The following ESYT2 variants were observed in gnomAD, a reference collection of about 807,000 sequenced individuals.
The protein encoded by ESYT2 is extended synaptotagmin 2.
In ESYT2, 54 loss-of-function variants were observed where a neutral mutation model predicts 107.2. The observed-to-expected ratio is 0.50, with a 90% CI of 0.40 to 0.63. ESYT2 has a LOEUF of 0.63. ESYT2 is among the 30% of genes least tolerant of loss of function. The probability of loss-of-function intolerance (pLI) is 0.00; values close to 1 mark genes in which losing one functional copy is unlikely to be tolerated. For missense variants in ESYT2, 1,020 were observed against 1,094.5 expected, an observed-to-expected ratio of 0.93 and a Z score of 0.96; for synonymous variants, 491 against 434.1, an observed-to-expected ratio of 1.13 and a Z score of -1.63.
chr7:158,792,266 G>A (rs1457630417), intron 4 of ESYT2, among the ~76,000 whole-genome samples: 1 of 149,670 alleles, frequency 6.7e-6, no homozygotes, highest in Non-Finnish European at 1.5e-5. Context: ...GCTCACGCCT[G>A]TGATCCCAGA....
rs571006833 is a variant in ESYT2, at chr7:158,735,477, T to C, written c.2505+26A>G. 21 of 1,584,608 alleles carry C rather than the reference T, an allele frequency of 1.3e-5. No homozygotes were observed. The South Asian group carries it at 2.1e-4, about 16-fold the overall frequency. ...GTTCAATTTTACAAACTGCAGGAAC[T>C]GGTTGAGGATTCGTTTGGCACTTAC... On this transcript the variant is annotated intron_variant, in intron 21 of 22. Transcript: ENST00000275418.
chr7:158,800,687 G>A (rs1342500770), intron 1 of ESYT2, among the ~76,000 whole-genome samples: 1 of 151,218 alleles, frequency 6.6e-6, no homozygotes, highest in Non-Finnish European at 1.5e-5. Context: ...ACTGTGCCCA[G>A]TCCACTTTTT....
At chr7:158,735,207 A>C (rs1350597922) in intron 21 of ESYT2, among the ~76,000 whole-genome samples, 1 of 152,248 alleles carries the variant, frequency 6.6e-6, no homozygotes, top group Non-Finnish European at 1.5e-5. Context: ...AAATTCACAT[A>C]AATAAAGCCA....
intron 16 of ESYT2, among the ~76,000 whole-genome samples, chr7:158,745,687 A>C (rs1038876352): frequency 1.2e-4 from 17 of 141,202 alleles, no homozygotes; most frequent in African/African-American, 4.7e-4. Flanking sequence ...CAATAATAGA[A>C]AGATTAAAAA....
chr7:158,753,647 A>G (rs1425020644), intron 13 of ESYT2, among the ~76,000 whole-genome samples: 1 of 150,168 alleles, frequency 6.7e-6, no homozygotes, highest in Admixed American at 6.6e-5. Flanking sequence ...ATAATGAAGA[A>G]AGATGAGTAA....
At chr7:158,771,940 G>A (rs1484381759) in intron 7 of ESYT2, among the ~76,000 whole-genome samples, 8 of 151,936 alleles carry the variant, frequency 5.3e-5, no homozygotes, top group Admixed American at 1.3e-4. Context: ...CCAACATGGC[G>A]AAACCCCATC....
In ESYT2 at chr7:158,797,974, A is replaced by C. The variant is rs149039219; in HGVS notation, c.475T>G (p.Phe159Val). 206 of 1,614,114 alleles carry C rather than the reference A, an allele frequency of 1.3e-4. No individual in the cohort carries two copies. The highest frequency in any genetic ancestry group is 1.7e-4 in the Non-Finnish European group (200 of 1,179,946). Residue 159 changes from phenylalanine to valine, a missense_variant, in exon 3 of 23, where the codon TTT becomes GTT. Coordinates refer to ENST00000275418, the MANE Select transcript of ESYT2 (RefSeq NM_001367773.1). ...VRGANTHLST[F>V]SFTKVDVGQQ... ...CCCACGTCGACCTTCGTGAAACTAA[A>C]GGTGCTAAGGTGGGTGTTTGCTCCC...
At position 158,799,053 on chromosome 7, in the gene ESYT2, T is replaced by C. The variant is rs1190732280; in HGVS notation, c.350A>G (p.Glu117Gly). 1.9e-6 allele frequency: 3 copies of C among 1,613,762 alleles called. No individual in the cohort carries two copies. Among genetic ancestry groups the C allele is most frequent in the Non-Finnish European group, 2.5e-6 (3 of 1,179,690 alleles). The stretch of plus-strand genomic sequence containing the variant: ...TACCTTATTTAGCCATTCTGCTCTT[T>C]CAGTGTCTGGAAAATGAACCTAGGA... Reference protein sequence around the residue: ...LPAWVHFPDTERAEWLNKTVK... With the variant: ...LPAWVHFPDTGRAEWLNKTVK... Residue 117 changes from glutamate (E) to glycine (G), a missense_variant, in exon 2 of 23, where the codon GAA becomes GGA. Coordinates refer to ENST00000275418, the MANE Select transcript of ESYT2 (RefSeq NM_001367773.1).
At chr7:158,777,895 T>C (rs1043204231) in intron 6 of ESYT2, among the ~76,000 whole-genome samples, 4 of 152,124 alleles carry the variant, frequency 2.6e-5, no homozygotes, top group South Asian at 4.1e-4. Context: ...TGCCGAAACA[T>C]GACACAGAGC....
At chr7:158,805,851 T>A (rs1217212169) in intron 1 of ESYT2, among the ~76,000 whole-genome samples, 1 of 152,254 alleles carries the variant, frequency 6.6e-6, no homozygotes, top group Non-Finnish European at 1.5e-5. Flanking sequence ...TCATGGTCAC[T>A]CCTTGACTTT....
chr7:158,813,942 G>A lies in ESYT2; in HGVS notation c.331-14870C>T, dbSNP rs528347880. ...AATGTTTAAAAAATATACGTTCCTC[G>A]TCCCAATGACTCTCACAGATCAAAA... On this transcript the variant is annotated intron_variant, in intron 1 of 22. Coordinates refer to ENST00000275418, the MANE Select transcript of ESYT2 (RefSeq NM_001367773.1). 5.3e-4 allele frequency among the ~76,000 whole-genome samples: 80 copies of A among 151,970 alleles called. 1 individual carries two copies. The highest frequency in any genetic ancestry group is 8.8e-5 in the Non-Finnish European group (6 of 67,998).
At chr7:158,828,797 G>T (rs1442485267) in intron 1 of ESYT2, among the ~76,000 whole-genome samples, 4 of 147,094 alleles carry the variant, frequency 2.7e-5, no homozygotes, top group Admixed American at 2.7e-4. Flanking sequence ...CGGGCAGGTC[G>T]CCAGCAGGCT....
intron 4 of ESYT2, among the ~76,000 whole-genome samples, chr7:158,792,656 G>A (rs1171266720): frequency 6.6e-6 from 1 of 151,006 alleles, no homozygotes; most frequent in Non-Finnish European, 1.5e-5. Flanking sequence ...GCTCCAACTA[G>A]AACTCACAAT....
In ESYT2 at chr7:158,773,376, T is replaced by C; in HGVS notation, c.768A>G (p.Thr256=). The change falls in exon 7 of 23, where the codon ACA becomes ACG. Residue 256 remains threonine (T), a synonymous_variant. Transcript: ENST00000275418. Reference sequence around the variant, plus strand: ...GGACATCCAGAAGATTCGTCAGTCCTGTCCAGTTAATTTCTAAAAGCTGTT... The same window carrying C: ...GGACATCCAGAAGATTCGTCAGTCCCGTCCAGTTAATTTCTAAAAGCTGTT... ...LRKPLLEINW[T]GLTNLLDVPG... is the part of the protein sequence containing the mutation. 1 of 1,614,198 alleles carries C rather than the reference T, an allele frequency of 6.2e-7. No individual in the cohort carries two copies. The highest frequency in any genetic ancestry group is 8.5e-7 in the Non-Finnish European group (1 of 1,180,038).
intron 1 of ESYT2, among the ~76,000 whole-genome samples, chr7:158,808,183 C>T (rs975325757): frequency 3.9e-5 from 6 of 152,154 alleles, no homozygotes; most frequent in Admixed American, 2.6e-4. Flanking sequence ...TTCAATCACC[C>T]GCAGTCAACC....
chr7:158,742,352 C>G (rs1019557050), intron 17 of ESYT2, among the ~76,000 whole-genome samples: 1 of 152,246 alleles, frequency 6.6e-6, no homozygotes, highest in Non-Finnish European at 1.5e-5. Context: ...CTCCTCCATC[C>G]TCCCCAGGCC....
At chr7:158,808,331 G>T (rs954889095) in intron 1 of ESYT2, among the ~76,000 whole-genome samples, 1 of 152,238 alleles carries the variant, frequency 6.6e-6, no homozygotes, top group South Asian at 2.1e-4. Flanking sequence ...CGTTCGCGCC[G>T]AGCATGCTCC....
chr7:158,753,349 C>T (rs983904124), intron 13 of ESYT2, among the ~76,000 whole-genome samples: 1 of 152,206 alleles, frequency 6.6e-6, no homozygotes, highest in Non-Finnish European at 1.5e-5. Context: ...GCTCCTCGTC[C>T]TTTTCCGGGG....
chr7:158,737,243 T>G (rs1836994434), intron 19 of ESYT2, 64 bp from the exon 20 acceptor site: 6 of 1,550,050 alleles, frequency 3.9e-6, no homozygotes, highest in Non-Finnish European at 5.3e-6. Context: ...AGCAGCACAT[T>G]CAGATATGCT....
Sources: allele counts gnomAD v4.1 joint callset (sites outside exome capture counted in the v4.1 genomes callset), GRCh38; gene constraint gnomAD v4.1.1; transcripts MANE v1.5; gene names NCBI Gene and HGNC (gene_info 2026-07-23, HGNC 2026-07-21).